The following WIPI2 variants were observed in gnomAD, a reference collection of about 807,000 sequenced individuals.
WIPI2 encodes the protein WD repeat domain phosphoinositide-interacting protein 2.
In WIPI2, 28 loss-of-function variants were observed where a neutral mutation model predicts 52.3. That is an observed-to-expected ratio of 0.54 (90% CI 0.40 to 0.73). WIPI2 has a LOEUF of 0.73. Ranked by LOEUF, WIPI2 falls within the 30% of genes least tolerant of loss-of-function variation. WIPI2 has a pLI of 0.00. For synonymous variants in WIPI2, 268 were observed against 245.0 expected (o/e 1.09, Z -0.88); for missense variants, 506 against 602.9 (o/e 0.84, Z 1.68).
chr7:5,229,902 T>G (rs572660702), intron 12 of WIPI2, among the ~76,000 whole-genome samples, 164 bp downstream of exon 12: 46 of 150,962 alleles, frequency 3.0e-4, no homozygotes, highest in Middle Eastern at 7.0e-3. Context: ...CCAAGGCCTC[T>G]CTCAAGGCTG....
At chr7:5,200,417 C>T (rs1251247793) in intron 3 of WIPI2, among the ~76,000 whole-genome samples, 2 of 152,124 alleles carry the variant, frequency 1.3e-5, no homozygotes, top group Non-Finnish European at 2.9e-5. Flanking sequence ...CATCCTTTAC[C>T]CTGTTCTTCC....
At chr7:5,200,504 C>T (rs986241817) in intron 3 of WIPI2, among the ~76,000 whole-genome samples, 6 of 152,140 alleles carry the variant, frequency 3.9e-5, no homozygotes, top group African/African-American at 1.2e-4. Flanking sequence ...AGCACACTCT[C>T]CAGTCCTCCT....
intron 6 of WIPI2, 56 bp downstream of exon 6, chr7:5,217,243 G>A (rs771870391): frequency 1.1e-4 from 168 of 1,566,276 alleles, no homozygotes; most frequent in Non-Finnish European, 1.4e-4. Flanking sequence ...TTCCTGAAGA[G>A]GAGCACTGTG....
chr7:5,230,896 G>A lies in WIPI2; in HGVS notation c.1314G>A (p.Leu438=), dbSNP rs756858126. 1.1e-5 allele frequency: 18 copies of A among 1,613,720 alleles called. No homozygotes were observed. The highest frequency in any genetic ancestry group is 1.6e-4 in the Middle Eastern group (1 of 6,082). ...GCCTGGAGGACGAGGCCAGCGCCCT[G>A]CGCCTGGATGAGGACAGCGAGCACC... The part of the protein sequence containing the change: ...GACLEDEASA[L]RLDEDSEHPP... The change falls in exon 13 of 13, where the codon CTG becomes CTA. Residue 438 remains leucine (L), a synonymous_variant. Coordinates refer to ENST00000288828, the MANE Select transcript of WIPI2 (RefSeq NM_015610.4). The surrounding 1 kb of genome is among the most constrained non-coding windows in gnomAD (Gnocchi z 4.8).
intron 2 of WIPI2, among the ~76,000 whole-genome samples, chr7:5,198,062 G>T (rs1781837263): frequency 6.6e-6 from 1 of 152,226 alleles, no homozygotes; most frequent in Admixed American, 6.5e-5. Context: ...AGAAGCGGGT[G>T]ATGAGTATGG....
intron 11 of WIPI2, 106 bp downstream of exon 11, chr7:5,228,317 G>A (rs1783545852): frequency 9.2e-7 from 1 of 1,089,772 alleles, no homozygotes; most frequent in Non-Finnish European, 1.3e-6. Flanking sequence ...TGACATAGAG[G>A]GGCAGATTCC....
intron 3 of WIPI2, among the ~76,000 whole-genome samples, chr7:5,213,830 C>T (rs937962889): frequency 2.0e-5 from 3 of 152,128 alleles, no homozygotes; most frequent in South Asian, 2.1e-4. Flanking sequence ...GGACTACAGG[C>T]GCCCGCCACC....
rs570810789 is a variant in WIPI2, at chr7:5,217,809, G to C, written c.577-113G>C. 157 of 982,060 alleles carry C rather than the reference G, an allele frequency of 1.6e-4. No homozygotes were observed. In the African/African-American group the frequency reaches 2.1e-3, roughly 13 times the overall value. The allele number at this position is 982,060 out of a possible 1,614,324, so 60.8% of individuals were successfully genotyped here. A position where few individuals can be genotyped will look rare whatever the true frequency, so the allele number is the denominator to read the frequency against. On this transcript the variant is annotated intron_variant, in intron 6 of 12. Transcript: ENST00000288828. ...ATCAAGTGGGTTTGGCATTTGTTTGGACCGTAATGGTGTTTTAGGAACAGC... is the reference window on the plus strand; with the variant it reads ...ATCAAGTGGGTTTGGCATTTGTTTGCACCGTAATGGTGTTTTAGGAACAGC...
intron 11 of WIPI2, among the ~76,000 whole-genome samples, 180 bp downstream of exon 11, chr7:5,228,391 G>T (rs961234291): frequency 6.6e-6 from 1 of 152,260 alleles, no homozygotes; most frequent in Non-Finnish European, 1.5e-5. Flanking sequence ...CAATGCCGCC[G>T]CAAGACAGGG....
rs1290332593 is a variant in WIPI2 at position 5,232,802 on chromosome 7, G to A, written c.*1855G>A. On this transcript the variant is annotated 3_prime_UTR_variant, in exon 13 of 13. Coordinates refer to ENST00000288828, the MANE Select transcript of WIPI2 (RefSeq NM_015610.4). ...CTAGGGTTTCCTGTCACCAAAGAGT[G>A]AGCTGCATTTCCAGTTCTGCGTTAA... 3 of 154,464 alleles carry A rather than the reference G, an allele frequency of 1.9e-5. No homozygotes were observed. Among genetic ancestry groups the A allele is most frequent in the Non-Finnish European group, 2.9e-5 (2 of 69,684 alleles). The allele number at this position is 154,464 out of a possible 1,614,324, so 9.6% of individuals were successfully genotyped here.
chr7:5,204,988 T>C (rs551900866), intron 3 of WIPI2, among the ~76,000 whole-genome samples: 2 of 152,338 alleles, frequency 1.3e-5, no homozygotes, highest in African/African-American at 4.8e-5. Context: ...TTAGTCTTTT[T>C]TTTTTGAGAC....
At chr7:5,223,242 G>A (rs1783240502) in intron 8 of WIPI2, among the ~76,000 whole-genome samples, 1 of 152,192 alleles carries the variant, frequency 6.6e-6, no homozygotes, top group South Asian at 2.1e-4. Flanking sequence ...CTCGGGCTCT[G>A]GAGCCCGTGC....
intron 11 of WIPI2, 183 bp from the exon 12 acceptor site, chr7:5,229,424 TA>T: frequency 4.9e-6 from 3 of 614,156 alleles, no homozygotes; most frequent in Non-Finnish European, 8.2e-6. Flanking sequence ...ACTTTCCATG[TA>T]AAACTCTTCA....
At position 5,193,419 on chromosome 7, in the gene WIPI2, C is replaced by G. The variant is rs1781573584; in HGVS notation, c.128+248C>G. 6 of 1,139,310 alleles carry G rather than the reference C, an allele frequency of 5.3e-6. No individual in the cohort carries two copies. In the Middle Eastern group the frequency reaches 1.2e-3, roughly 235 times the overall value. The allele number at this position is 1,139,310 out of a possible 1,614,324, so 70.6% of individuals were successfully genotyped here. A position where few individuals can be genotyped will look rare whatever the true frequency, so the allele number is the denominator to read the frequency against. On this transcript the variant is annotated intron_variant, in intron 2 of 12. Coordinates refer to ENST00000288828, the MANE Select transcript of WIPI2 (RefSeq NM_015610.4). The stretch of plus-strand genomic sequence containing the variant: ...GGAATGAAGAAAGGGACTTGACTTT[C>G]CAAGTCTTGTGTTTGTAGAATTGAT...
chr7:5,198,373 G>A (rs982193558), intron 2 of WIPI2, among the ~76,000 whole-genome samples: 16 of 151,860 alleles, frequency 1.1e-4, no homozygotes, highest in Admixed American at 1.1e-3. Context: ...GAGTGCAGTG[G>A]CGCAATCTCC....
intron 4 of WIPI2, 84 bp downstream of exon 4, chr7:5,214,788 T>G: frequency 6.7e-7 from 1 of 1,482,296 alleles, no homozygotes; most frequent in South Asian, 1.2e-5. Context: ...GGCATGCCCC[T>G]CCGTCATTCC....
At chr7:5,193,371 T>A in intron 2 of WIPI2, 200 bp downstream of exon 2, 1 of 1,363,594 alleles carries the variant, frequency 7.3e-7, no homozygotes, top group Non-Finnish European at 9.5e-7. Flanking sequence ...ATGTCTGTTT[T>A]AAATGCCATG....
intron 4 of WIPI2, among the ~76,000 whole-genome samples, chr7:5,215,598 A>G (rs911593436): frequency 1.3e-5 from 2 of 152,246 alleles, no homozygotes; most frequent in African/African-American, 4.8e-5. Flanking sequence ...TAGAGTGGAC[A>G]TGATGACAGC....
intron 3 of WIPI2, among the ~76,000 whole-genome samples, chr7:5,207,917 C>CA (rs1457479443): frequency 6.6e-6 from 1 of 152,024 alleles, no homozygotes; most frequent in Non-Finnish European, 1.5e-5. Flanking sequence ...AGGTGTGCAC[C>CA]ACCACACCTG....
Sources: allele counts gnomAD v4.1 joint callset (sites outside exome capture counted in the v4.1 genomes callset), GRCh38; gene constraint gnomAD v4.1.1; non-coding constraint Gnocchi (gnomAD v3.1); transcripts MANE v1.5; gene names NCBI Gene and HGNC (gene_info 2026-07-23, HGNC 2026-07-21).